Variants in TCF7L1 observed in about 807,000 individuals in gnomAD.
The protein encoded by TCF7L1 is transcription factor 7-like 1.
TCF7L1 carries 18 observed loss-of-function variants against 63.7 expected under a neutral mutation model. The observed-to-expected ratio is 0.28, with a 90% CI of 0.20 to 0.42. The LOEUF (loss-of-function observed/expected upper bound fraction) is 0.42. TCF7L1 is among the 10% of genes least tolerant of loss of function. TCF7L1 has a pLI of 1.00. For synonymous variants in TCF7L1, 355 were observed against 340.9 expected, an observed-to-expected ratio of 1.04 and a Z score of -0.46; for missense variants, 654 against 779.3, an observed-to-expected ratio of 0.84 and a Z score of 1.91.
chr2:85,170,414 G>A (rs372979416), intron 3 of TCF7L1, among the ~76,000 whole-genome samples: 1 of 152,108 alleles, frequency 6.6e-6, no homozygotes, highest in South Asian at 2.1e-4. Flanking sequence ...AAAATTTAAG[G>A]AGCAAATAGC....
chr2:85,216,113 A>G (rs1679700758), intron 3 of TCF7L1, among the ~76,000 whole-genome samples: 1 of 152,136 alleles, frequency 6.6e-6, no homozygotes, highest in Non-Finnish European at 1.5e-5. Context: ...CACTGCATTC[A>G]GGGCTGTGTT....
chr2:85,300,276 TA>T (rs1368002893), intron 4 of TCF7L1, among the ~76,000 whole-genome samples: 2 of 152,218 alleles, frequency 1.3e-5, no homozygotes, highest in Non-Finnish European at 2.9e-5. Flanking sequence ...TTTATTTTAC[TA>T]AAAGTCACCC....
At chr2:85,283,037 C>T (rs1036129233) in intron 3 of TCF7L1, among the ~76,000 whole-genome samples, 1 of 152,014 alleles carries the variant, frequency 6.6e-6, no homozygotes, top group Non-Finnish European at 1.5e-5. Flanking sequence ...TTCTGGATGG[C>T]TGTTTCGTAG....
intron 3 of TCF7L1, among the ~76,000 whole-genome samples, chr2:85,188,871 T>G (rs1048578323): frequency 5.3e-5 from 8 of 152,210 alleles, no homozygotes; most frequent in African/African-American, 1.9e-4. Context: ...TAACTCCGGG[T>G]TGGGAAGCCT....
At chr2:85,229,984 G>GGGT (rs1202221648) in intron 3 of TCF7L1, among the ~76,000 whole-genome samples, 1 of 152,206 alleles carries the variant, frequency 6.6e-6, no homozygotes, top group Non-Finnish European at 1.5e-5. Flanking sequence ...ACTCCAGCCT[G>GGGT]GGTGGCAAAG....
intron 3 of TCF7L1, among the ~76,000 whole-genome samples, chr2:85,154,234 T>C (rs1295998126): frequency 6.6e-6 from 1 of 152,226 alleles, no homozygotes; most frequent in East Asian, 1.9e-4. Context: ...AGAATTACAT[T>C]AGCAACTCCA....
Position 85,133,758 on chromosome 2 carries a change from C to A in TCF7L1, c.74C>A (p.Ala25Glu), listed in dbSNP as rs1352826615. 3 of 1,238,866 alleles carry A rather than the reference C, an allele frequency of 2.4e-6. No homozygotes were observed. Among genetic ancestry groups the A allele is most frequent in the Non-Finnish European group, 3.0e-6 (3 of 990,868 alleles). The allele number at this position is 1,238,866 out of a possible 1,614,324, so 76.7% of individuals were successfully genotyped here. The change falls in exon 1 of 12, where the codon GCG becomes GAG. Residue 25 changes from alanine (A) to glutamate (E), a missense_variant. Transcript: ENST00000282111. The surrounding 1 kb of genome is among the most constrained non-coding windows in gnomAD (Gnocchi z 4.4). ...SGGGGGSSAG[A>E]AGGGDDLGAN... The stretch of plus-strand genomic sequence containing the variant: ...GGAGGCGGCGGCTCCAGCGCCGGGG[C>A]GGCCGGCGGAGGGGACGACCTCGGG...
At chr2:85,184,522 T>G (rs1241699165) in intron 3 of TCF7L1, among the ~76,000 whole-genome samples, 2 of 152,178 alleles carry the variant, frequency 1.3e-5, no homozygotes, top group African/African-American at 4.8e-5. Context: ...TTGGTGGTTC[T>G]GGTGTCTAGA....
chr2:85,137,892 C>CAAAAA (rs374829785), intron 3 of TCF7L1, among the ~76,000 whole-genome samples: 2 of 67,778 alleles, frequency 3.0e-5, no homozygotes, highest in Non-Finnish European at 3.0e-5. Context: ...GACTCTGCCT[C>CAAAAA]AAAAAAAAAA....
At chr2:85,235,212 A>G (rs1372005038) in intron 3 of TCF7L1, among the ~76,000 whole-genome samples, 1 of 152,102 alleles carries the variant, frequency 6.6e-6, no homozygotes, top group African/African-American at 2.4e-5. Context: ...AAAGCAAGGA[A>G]ATGGCTGTCA....
intron 3 of TCF7L1, among the ~76,000 whole-genome samples, chr2:85,219,085 AGG>A (rs141173023): frequency 0.031 from 4,770 of 152,256 alleles, 83 homozygotes; most frequent in Non-Finnish European, 0.048. Flanking sequence ...CCCAGAAGTT[AGG>A]GGCTGCAGTG....
At chr2:85,176,379 A>T (rs915529263) in intron 3 of TCF7L1, among the ~76,000 whole-genome samples, 1 of 152,294 alleles carries the variant, frequency 6.6e-6, no homozygotes, top group South Asian at 2.1e-4. Flanking sequence ...CTTCCCATAC[A>T]TCTTCATGGT....
At chr2:85,258,361 C>G (rs966519028) in intron 3 of TCF7L1, among the ~76,000 whole-genome samples, 1 of 152,186 alleles carries the variant, frequency 6.6e-6, no homozygotes, top group Admixed American at 6.5e-5. Context: ...GAGAGCCTGC[C>G]TGACTCTTCC....
intron 3 of TCF7L1, among the ~76,000 whole-genome samples, chr2:85,244,759 T>A (rs556198016): frequency 2.0e-5 from 3 of 152,226 alleles, no homozygotes; most frequent in African/African-American, 7.2e-5. Context: ...ATGTTGATGG[T>A]ACTTCAAGCC....
At chr2:85,207,808 G>A (rs775499576) in intron 3 of TCF7L1, among the ~76,000 whole-genome samples, 148 of 152,130 alleles carry the variant, frequency 9.7e-4, no homozygotes, top group Admixed American at 1.5e-3. Flanking sequence ...AAGGCTTTGC[G>A]TTAGGTGTTT....
chr2:85,267,628 G>A (rs1173788643), intron 3 of TCF7L1, among the ~76,000 whole-genome samples: 2 of 144,096 alleles, frequency 1.4e-5, no homozygotes, highest in Non-Finnish European at 3.0e-5. Flanking sequence ...CAACCTGGGC[G>A]ACAGAGGAAA....
intron 3 of TCF7L1, among the ~76,000 whole-genome samples, chr2:85,195,082 C>G (rs1261541608): frequency 6.6e-6 from 1 of 152,256 alleles, no homozygotes; most frequent in Non-Finnish European, 1.5e-5. Flanking sequence ...GGACTGTGGG[C>G]TTTGAAGCAA....
At chr2:85,187,395 T>C (rs554010163) in intron 3 of TCF7L1, 1 of 152,330 alleles carries the variant, frequency 6.6e-6, no homozygotes, top group South Asian at 2.1e-4. Flanking sequence ...TACCCAGAAT[T>C]ATAGAACTCA....
At chr2:85,262,382 T>C in intron 3 of TCF7L1, 1 of 407,034 alleles carries the variant, frequency 2.5e-6, no homozygotes, top group Non-Finnish European at 5.0e-6. Context: ...CAAGACACCG[T>C]CTCTTAAAAG....
Sources: allele counts gnomAD v4.1 joint callset (sites outside exome capture counted in the v4.1 genomes callset), GRCh38; gene constraint gnomAD v4.1.1; non-coding constraint Gnocchi (gnomAD v3.1); transcripts MANE v1.5; gene names NCBI Gene and HGNC (gene_info 2026-07-23, HGNC 2026-07-21).